Variants in EPB41L5 observed in about 807,000 individuals in gnomAD.
EPB41L5 encodes the protein erythrocyte membrane protein band 4.1 like 5, also known as band 4.1-like protein 5.
Under a neutral mutation model 106.6 loss-of-function variants are expected in EPB41L5, and 55 were observed. The ratio of observed to expected loss-of-function variants is 0.52; its 90% CI spans 0.42 to 0.65. The LOEUF is 0.65. Among genes scored for constraint, EPB41L5 ranks in the 30% least tolerant of loss-of-function variants. The probability of loss-of-function intolerance (pLI) is 0.00; values close to 1 mark genes in which losing one functional copy is unlikely to be tolerated. For synonymous variants in EPB41L5, 297 were observed against 306.7 expected, an observed-to-expected ratio of 0.97 and a Z score of 0.33; for missense variants, 871 against 882.1, an observed-to-expected ratio of 0.99 and a Z score of 0.16.
In EPB41L5 at chr2:120,154,262, G is replaced by A. The variant is rs1037670052; in HGVS notation, c.1794-6619G>A. ...CAACCTCTGCTTCCCGGGTTCAAGC[G>A]ATTCTCCTGCCTCAGCCTCCCGAGT... On this transcript the variant is annotated intron_variant, in intron 20 of 24. Transcript: ENST00000263713. Among the ~76,000 whole-genome samples the A allele has an allele frequency of 2.0e-5, 3 of 151,820 alleles. 1 individual carries two copies. The highest frequency in any genetic ancestry group is 4.2e-4 in the South Asian group (2 of 4,810).
intron 18 of EPB41L5, among the ~76,000 whole-genome samples, chr2:120,136,308 A>G (rs1442668200): frequency 6.6e-6 from 1 of 151,824 alleles, no homozygotes; most frequent in East Asian, 1.9e-4. Flanking sequence ...CATCAGAGAA[A>G]AGCACCCTTC....
intron 3 of EPB41L5, among the ~76,000 whole-genome samples, chr2:120,060,921 A>G (rs191531294): frequency 4.8e-4 from 73 of 152,288 alleles, no homozygotes; most frequent in Middle Eastern, 6.8e-3. Flanking sequence ...GCATGGAACA[A>G]GCAAACCATG....
intron 24 of EPB41L5, among the ~76,000 whole-genome samples, chr2:120,172,217 A>G (rs1427942742): frequency 6.6e-6 from 1 of 152,174 alleles, no homozygotes; most frequent in Non-Finnish European, 1.5e-5. Context: ...ATTACAGTCA[A>G]TGGAAGGAGG....
chr2:120,138,032 G>A (rs899075194), intron 18 of EPB41L5, among the ~76,000 whole-genome samples: 8 of 152,022 alleles, frequency 5.3e-5, no homozygotes, highest in African/African-American at 1.9e-4. Context: ...ATCCCAGGAT[G>A]TAATAAGGAT....
intron 16 of EPB41L5, among the ~76,000 whole-genome samples, chr2:120,101,108 T>C (rs1427685977): frequency 6.6e-6 from 1 of 152,224 alleles, no homozygotes; most frequent in Non-Finnish European, 1.5e-5. Context: ...CTTGATGTGG[T>C]AGTGGTGGAT....
chr2:120,135,320 A>G (rs1397593828), intron 18 of EPB41L5, among the ~76,000 whole-genome samples: 5 of 152,222 alleles, frequency 3.3e-5, no homozygotes, highest in African/African-American at 9.6e-5. Context: ...AAAAGGACAA[A>G]TCGAAGAGTT....
Position 120,015,990 on chromosome 2 carries a change from A to G in EPB41L5, c.-9+2780A>G, listed in dbSNP as rs77607054. Among the ~76,000 whole-genome samples the G allele has an allele frequency of 7.7e-3, 1,175 of 152,146 alleles. 13 individuals carry two copies. The highest frequency in any genetic ancestry group is 0.027 in the African/African-American group (1,115 of 41,504). ...TACCATAACTTGTTTAACTGTTTGC[A>G]CATTGATGAACACATTTAAAATTTT... On this transcript the variant is annotated intron_variant, in intron 1 of 24. Transcript: ENST00000263713.
intron 16 of EPB41L5, chr2:120,106,639 T>C: frequency 1.0e-6 from 1 of 984,466 alleles, no homozygotes; most frequent in Non-Finnish European, 1.2e-6. Flanking sequence ...TGGCTAATTT[T>C]ATTTAACTTA....
At chr2:120,073,333 C>T (rs1416544852) in intron 4 of EPB41L5, 113 bp downstream of exon 4, 11 of 930,228 alleles carry the variant, frequency 1.2e-5, no homozygotes, top group Non-Finnish European at 1.5e-5. Context: ...TTAGCATTTC[C>T]ATTTTCTAGA....
chr2:120,070,629 C>T (rs1429444316), intron 3 of EPB41L5, among the ~76,000 whole-genome samples: 1 of 152,192 alleles, frequency 6.6e-6, no homozygotes, highest in African/African-American at 2.4e-5. Flanking sequence ...CATCAGAAAG[C>T]TCATCCACCA....
intron 2 of EPB41L5, among the ~76,000 whole-genome samples, chr2:120,025,609 T>C (rs111499481): frequency 4.3e-4 from 66 of 152,326 alleles, no homozygotes; most frequent in African/African-American, 1.5e-3. Flanking sequence ...TGCTAAAGGC[T>C]TTAAATTATG....
intron 24 of EPB41L5, among the ~76,000 whole-genome samples, chr2:120,169,573 T>C (rs1687575318): frequency 1.3e-5 from 2 of 152,118 alleles, no homozygotes; most frequent in Admixed American, 6.5e-5. Context: ...GAGAAAACAT[T>C]TGTTCTCCAT....
intron 18 of EPB41L5, among the ~76,000 whole-genome samples, chr2:120,140,041 A>G (rs1185064486): frequency 6.6e-6 from 1 of 152,084 alleles, no homozygotes; most frequent in Non-Finnish European, 1.5e-5. Context: ...GGAGGACACT[A>G]TATTAAGAGA....
chr2:120,152,790 C>T (rs1686736695), intron 20 of EPB41L5, among the ~76,000 whole-genome samples: 1 of 152,186 alleles, frequency 6.6e-6, no homozygotes, highest in Non-Finnish European at 1.5e-5. Flanking sequence ...TGTTGTAAGT[C>T]TATTCAGATT....
In EPB41L5 at chr2:120,127,720, C is replaced by A. The variant is rs185459190; in HGVS notation, c.1370C>A (p.Pro457Gln). 6.2e-7 allele frequency: 1 copy of A among 1,612,858 alleles called. No homozygotes were observed. The highest frequency in any genetic ancestry group is 1.3e-5 in the African/African-American group (1 of 74,952). ...IPLNIDLLNS[P>Q]DLLEATIGDV... ...CTGAATATTGATTTGCTGAATAGCCCAGACTTATTGGAAGCAACGATTGGT... is the reference window on the plus strand; with the variant it reads ...CTGAATATTGATTTGCTGAATAGCCAAGACTTATTGGAAGCAACGATTGGT... The change falls in exon 17 of 25, where the codon CCA (proline) becomes CAA (glutamine). Residue 457 changes from proline (P) to glutamine (Q), a missense_variant. Physicochemically the swap from Pro to Gln is moderately conservative, Grantham distance 76. Transcript: ENST00000263713.
Position 120,067,743 on chromosome 2 carries a change from G to A in EPB41L5, c.286-5435G>A, listed in dbSNP as rs566394582. ...AGAGTACTACCTCTGAGGAGCATCT[G>A]TTTTGTAAAATTTGGGGGACATTGT... On this transcript the variant is annotated intron_variant, in intron 3 of 24. Coordinates refer to ENST00000263713, the MANE Select transcript of EPB41L5 (RefSeq NM_020909.4). Among the ~76,000 whole-genome samples, 227 of 152,246 alleles carry A rather than the reference G, an allele frequency of 1.5e-3. 1 individual carries two copies. The highest frequency in any genetic ancestry group is 1.4e-3 in the Non-Finnish European group (92 of 68,006).
At chr2:120,048,123 T>TA (rs553428869) in intron 3 of EPB41L5, among the ~76,000 whole-genome samples, 1 of 152,170 alleles carries the variant, frequency 6.6e-6, no homozygotes, top group Non-Finnish European at 1.5e-5. Context: ...TAAAATTCTT[T>TA]TTTTGTTGTG....
At chr2:120,076,880 A>G in intron 7 of EPB41L5, 91 bp from the exon 8 acceptor site, 1 of 1,191,034 alleles carries the variant, frequency 8.4e-7, no homozygotes, top group Non-Finnish European at 1.1e-6. Context: ...ATTCCTAAGA[A>G]TCTTTCTAAT....
At chr2:120,088,414 C>T (rs1427945531) in intron 11 of EPB41L5, among the ~76,000 whole-genome samples, 12 of 152,140 alleles carry the variant, frequency 7.9e-5, no homozygotes, top group African/African-American at 2.9e-4. Context: ...AAGGCAACAG[C>T]GGACACTGGG....
Sources: allele counts gnomAD v4.1 joint callset (sites outside exome capture counted in the v4.1 genomes callset), GRCh38; gene constraint gnomAD v4.1.1; transcripts MANE v1.5; gene names NCBI Gene and HGNC (gene_info 2026-07-23, HGNC 2026-07-21).